The following CSRNP3 variants were observed in gnomAD, a reference collection of about 807,000 sequenced individuals.
The protein encoded by CSRNP3 is cysteine/serine-rich nuclear protein 3.
In CSRNP3, 12 loss-of-function variants were observed where a neutral mutation model predicts 48.0. The ratio of observed to expected loss-of-function variants is 0.25; its 90% CI spans 0.16 to 0.41. The LOEUF (loss-of-function observed/expected upper bound fraction) is 0.41. Among genes scored for constraint, CSRNP3 ranks in the 10% least tolerant of loss-of-function variants. The pLI is 1.00. For synonymous variants in CSRNP3, 263 were observed against 269.7 expected, an observed-to-expected ratio of 0.98 and a Z score of 0.24; for missense variants, 580 against 724.4, an observed-to-expected ratio of 0.80 and a Z score of 2.29.
intron 2 of CSRNP3, among the ~76,000 whole-genome samples, chr2:165,511,340 G>A (rs758107832): frequency 5.3e-5 from 8 of 152,070 alleles, no homozygotes; most frequent in African/African-American, 1.4e-4. Context: ...AGAAAATAAC[G>A]ATTTTAAGAT....
chr2:165,522,933 A>T (rs750056198), intron 3 of CSRNP3, among the ~76,000 whole-genome samples: 35 of 152,274 alleles, frequency 2.3e-4, no homozygotes, highest in Admixed American at 5.9e-4. Context: ...AATCTGAGGT[A>T]GCCCCTCAAT....
chr2:165,547,057 T>C (rs903942163), intron 3 of CSRNP3, among the ~76,000 whole-genome samples: 1 of 152,196 alleles, frequency 6.6e-6, no homozygotes, highest in African/African-American at 2.4e-5. Context: ...ATAACCACTG[T>C]CAATGTATTT....
intron 5 of CSRNP3, among the ~76,000 whole-genome samples, chr2:165,665,856 GAA>G (rs1431946135): frequency 1.3e-5 from 2 of 149,230 alleles, no homozygotes; most frequent in Non-Finnish European, 3.0e-5. Context: ...AGGAAGGAAG[GAA>G]AGAGAGAGAG....
chr2:165,635,117 C>T (rs1264853426), intron 4 of CSRNP3, among the ~76,000 whole-genome samples: 1 of 152,194 alleles, frequency 6.6e-6, no homozygotes, highest in African/African-American at 2.4e-5. Flanking sequence ...TTGCTGTACA[C>T]ACTGAGAAGC....
intron 5 of CSRNP3, among the ~76,000 whole-genome samples, chr2:165,666,392 A>G (rs202232344): frequency 0.35 from 11,727 of 33,692 alleles, 3,011 homozygotes; most frequent in Non-Finnish European, 0.51. Context: ...AGAGAGAGAG[A>G]AAGGAAGGAA....
chr2:165,639,439 G>C (rs1686690182), intron 4 of CSRNP3, among the ~76,000 whole-genome samples: 1 of 152,174 alleles, frequency 6.6e-6, no homozygotes, highest in Non-Finnish European at 1.5e-5. Context: ...AGAATCAACT[G>C]TTTATATCTT....
chr2:165,525,711 C>T (rs1422996735), intron 3 of CSRNP3, among the ~76,000 whole-genome samples: 5 of 151,732 alleles, frequency 3.3e-5, no homozygotes, highest in Admixed American at 2.0e-4. Flanking sequence ...GTCTTGAACT[C>T]CTGACCTCAA....
At chr2:165,503,678 T>G (rs1684387496) in intron 2 of CSRNP3, among the ~76,000 whole-genome samples, 2 of 152,044 alleles carry the variant, frequency 1.3e-5, no homozygotes, top group Admixed American at 6.6e-5. Flanking sequence ...AGATATCTTT[T>G]TGTATTTAAC....
chr2:165,613,689 G>T (rs1327079786), intron 4 of CSRNP3, among the ~76,000 whole-genome samples: 1 of 152,118 alleles, frequency 6.6e-6, no homozygotes, highest in Non-Finnish European at 1.5e-5. Context: ...TGCCAGCTCT[G>T]TTGAAAACAG....
chr2:165,602,307 C>T (rs951464935), intron 4 of CSRNP3, among the ~76,000 whole-genome samples: 1 of 152,076 alleles, frequency 6.6e-6, no homozygotes. Context: ...AAGGAAGCAG[C>T]ATAGATAAAG....
intron 4 of CSRNP3, among the ~76,000 whole-genome samples, chr2:165,652,372 A>G (rs540918039): frequency 4.3e-4 from 65 of 150,456 alleles, no homozygotes; most frequent in African/African-American, 1.5e-3. Context: ...GGTGGTGTGC[A>G]CCTGTAGTCC....
intron 1 of CSRNP3, among the ~76,000 whole-genome samples, chr2:165,485,992 G>C (rs574347239): frequency 6.6e-6 from 1 of 151,872 alleles, no homozygotes; most frequent in South Asian, 2.1e-4. Flanking sequence ...CAGCGTGAGC[G>C]ACGCAGAAGA....
intron 5 of CSRNP3, among the ~76,000 whole-genome samples, chr2:165,671,595 C>A (rs1434070796): frequency 2.0e-5 from 3 of 152,212 alleles, no homozygotes; most frequent in African/African-American, 7.2e-5. Flanking sequence ...CCCAGGAAAC[C>A]ATTTTTTCCT....
intron 1 of CSRNP3, among the ~76,000 whole-genome samples, chr2:165,492,635 A>G (rs533218397): frequency 1.3e-5 from 2 of 149,978 alleles, no homozygotes; most frequent in African/African-American, 4.9e-5. Context: ...TTATCTCCAT[A>G]TGATGTTTAT....
Position 165,687,618 on chromosome 2 carries a change from C to T in CSRNP3, c.*7865C>T, listed in dbSNP as rs1431254612. ...TGAAGAGTCTGATGGAATAAAATGA[C>T]TCCAGAGATTTACACAGCCACCATT... On this transcript the variant is annotated 3_prime_UTR_variant, in exon 7 of 7. Transcript: ENST00000651982. The T allele has an allele frequency of 6.6e-6, 1 of 152,064 alleles. No homozygotes were observed. The highest frequency in any genetic ancestry group is 2.4e-5 in the African/African-American group (1 of 41,432). 9.4% of individuals were successfully genotyped at this position (152,064 alleles called of 1,614,324 possible). A position where few individuals can be genotyped will look rare whatever the true frequency, so the allele number is the denominator to read the frequency against.
At chr2:165,661,240 C>G (rs578146635) in intron 5 of CSRNP3, among the ~76,000 whole-genome samples, 39 of 152,170 alleles carry the variant, frequency 2.6e-4, no homozygotes, top group African/African-American at 9.2e-4. Flanking sequence ...TATAGATGCC[C>G]CTCAATTTGC....
At chr2:165,477,809 A>G (rs1683985164) in intron 1 of CSRNP3, among the ~76,000 whole-genome samples, 1 of 152,006 alleles carries the variant, frequency 6.6e-6, no homozygotes, top group Non-Finnish European at 1.5e-5. Flanking sequence ...AAACCCCATC[A>G]CTGCAAAAGA....
chr2:165,579,423 C>A (rs1440292995), intron 3 of CSRNP3, among the ~76,000 whole-genome samples: 1 of 152,102 alleles, frequency 6.6e-6, no homozygotes, highest in Non-Finnish European at 1.5e-5. Context: ...TTTTTATATC[C>A]TTTAAGGCTT....
chr2:165,529,510 G>A (rs1335692543), intron 3 of CSRNP3, among the ~76,000 whole-genome samples: 1 of 152,120 alleles, frequency 6.6e-6, no homozygotes, highest in African/African-American at 2.4e-5. Flanking sequence ...GTGGAATTGT[G>A]TGTTCATTAA....
Sources: gnomAD v4.1 joint callset for allele counts (sites outside exome capture counted in the v4.1 genomes callset) on GRCh38, gnomAD v4.1.1 for gene constraint, MANE v1.5 for transcripts, NCBI Gene and HGNC (gene_info 2026-07-23, HGNC 2026-07-21) for gene names.